The following IMPA2 variants were observed in gnomAD, a reference collection of about 807,000 sequenced individuals.
IMPA2 encodes IMP 2.
IMPA2 carries 32 observed loss-of-function variants against 35.1 expected under a neutral mutation model. The ratio of observed to expected loss-of-function variants is 0.91; its 90% CI spans 0.69 to 1.23. The LOEUF (loss-of-function observed/expected upper bound fraction) is 1.23, where lower values mean the gene tolerates loss of function less well. IMPA2 is among the 50% of genes most tolerant of loss of function. IMPA2 has a pLI of 0.00. For synonymous variants in IMPA2, 135 were observed against 160.6 expected (o/e 0.84, Z 1.20); for missense variants, 334 against 387.6 (o/e 0.86, Z 1.16).
Position 11,991,183 on chromosome 18 carries a change from C to T in IMPA2, c.97-7871C>T, listed in dbSNP as rs1002294209. Among the ~76,000 whole-genome samples the T allele has an allele frequency of 1.3e-5, 2 of 152,240 alleles. No homozygotes were observed. Among genetic ancestry groups the T allele is most frequent in the Middle Eastern group, 3.4e-3 (1 of 294 alleles). ...GAGGGGAGGCAGGGGCCACAGGCCA[C>T]GGGCCCTGGAACACAGGGAATGCAG... On this transcript the variant is annotated intron_variant, in intron 1 of 7. Coordinates refer to ENST00000269159, the MANE Select transcript of IMPA2 (RefSeq NM_014214.3). This position sits in a 1 kb window ranked among gnomAD's most constrained non-coding sequence, Gnocchi z 4.1.
Position 12,030,712 on chromosome 18 carries a change from G to C in IMPA2, c.*254G>C. On this transcript the variant is annotated 3_prime_UTR_variant, in exon 8 of 8. Coordinates refer to ENST00000269159, the MANE Select transcript of IMPA2 (RefSeq NM_014214.3). Reference sequence around the variant, plus strand: ...GGTTAGTACGTGTTCTTCTGTCAGGGCCAAAACTCAAATCTCCTGTGAAAT... The same window carrying C: ...GGTTAGTACGTGTTCTTCTGTCAGGCCCAAAACTCAAATCTCCTGTGAAAT... 1 of 457,954 alleles carries C rather than the reference G, an allele frequency of 2.2e-6. No individual in the cohort carries two copies. Among genetic ancestry groups the C allele is most frequent in the East Asian group, 3.9e-5 (1 of 25,646 alleles). The allele number at this position is 457,954 out of a possible 1,614,324, so 28.4% of individuals were successfully genotyped here.
chr18:11,991,899 A>T lies in IMPA2; in HGVS notation c.97-7155A>T, dbSNP rs1300775407. Among the ~76,000 whole-genome samples the T allele has an allele frequency of 2.0e-5, 3 of 149,986 alleles. No homozygotes were observed. The highest frequency in any genetic ancestry group is 7.4e-5 in the African/African-American group (3 of 40,384). On this transcript the variant is annotated intron_variant, in intron 1 of 7. Transcript: ENST00000269159. The surrounding 1 kb of genome is among the most constrained non-coding windows in gnomAD (Gnocchi z 4.1). ...TGCTCTGTCTCCCAGGATGGAGTGCAGTGGCGTAATCTTGGCTCACCGCAA... is the reference window on the plus strand; with the variant it reads ...TGCTCTGTCTCCCAGGATGGAGTGCTGTGGCGTAATCTTGGCTCACCGCAA...
chr18:12,002,311 T>A (rs1907134983), intron 2 of IMPA2, among the ~76,000 whole-genome samples: 1 of 152,368 alleles, frequency 6.6e-6, no homozygotes, highest in South Asian at 2.1e-4. Flanking sequence ...CTTTCCTTGA[T>A]TTTAGTCTTT....
At chr18:12,000,060 A>C (rs778695889) in intron 2 of IMPA2, among the ~76,000 whole-genome samples, 12 of 152,366 alleles carry the variant, frequency 7.9e-5, no homozygotes, top group Admixed American at 3.3e-4. Context: ...GTAGGGTATT[A>C]TAACTGTCAG....
At chr18:12,029,356 C>T (rs1226433997) in intron 7 of IMPA2, among the ~76,000 whole-genome samples, 2 of 151,554 alleles carry the variant, frequency 1.3e-5, no homozygotes, top group South Asian at 2.1e-4. Flanking sequence ...CCTCGTGATC[C>T]GCCTGCCTCG....
intron 2 of IMPA2, among the ~76,000 whole-genome samples, chr18:12,003,650 T>TAAAAAA (rs77016043): frequency 1.2e-5 from 1 of 80,026 alleles, no homozygotes. Flanking sequence ...GACTCCATCT[T>TAAAAAA]AAAAAAAAAA....
intron 5 of IMPA2, among the ~76,000 whole-genome samples, chr18:12,018,814 T>G (rs1013065531): frequency 3.3e-5 from 5 of 152,148 alleles, no homozygotes; most frequent in Non-Finnish European, 7.4e-5. Context: ...TAAGTTGTTT[T>G]GGTGTCTTTT....
At chr18:11,982,179 G>A (rs1230066580) in intron 1 of IMPA2, among the ~76,000 whole-genome samples, 1 of 152,194 alleles carries the variant, frequency 6.6e-6, no homozygotes, top group African/African-American at 2.4e-5. Flanking sequence ...GATTGTCCTG[G>A]CTGCAGCATC....
intron 5 of IMPA2, among the ~76,000 whole-genome samples, chr18:12,025,410 A>G (rs1338432395): frequency 1.3e-5 from 2 of 152,234 alleles, no homozygotes; most frequent in Non-Finnish European, 2.9e-5. Context: ...GCTGGACGGT[A>G]TGGTAAGAGT....
chr18:11,986,714 C>G (rs557704461), intron 1 of IMPA2, among the ~76,000 whole-genome samples: 1 of 152,344 alleles, frequency 6.6e-6, no homozygotes, highest in African/African-American at 2.4e-5. Context: ...CTCCTCACCC[C>G]TTGTCCTGTG....
At chr18:12,023,814 G>A (rs768957307) in intron 5 of IMPA2, among the ~76,000 whole-genome samples, 5 of 152,170 alleles carry the variant, frequency 3.3e-5, no homozygotes, top group East Asian at 1.9e-4. Flanking sequence ...CTCTTAGAGT[G>A]TACCTCCAGG....
intron 1 of IMPA2, among the ~76,000 whole-genome samples, chr18:11,990,657 A>G (rs114406462): frequency 5.3e-5 from 8 of 152,252 alleles, no homozygotes; most frequent in African/African-American, 1.9e-4. Flanking sequence ...AGACATAGGA[A>G]TAAAGGACTT....
chr18:12,030,318 C>G (rs369871616), intron 7 of IMPA2, 25 bp from the exon 8 acceptor site: 1 of 1,584,316 alleles, frequency 6.3e-7, no homozygotes, highest in Non-Finnish European at 8.7e-7. Flanking sequence ...AACCCGGATG[C>G]CTGGCTCTCT....
intron 1 of IMPA2, chr18:11,994,915 C>G (rs183810115): frequency 2.2e-4 from 34 of 152,748 alleles, no homozygotes; most frequent in African/African-American, 7.9e-4. Flanking sequence ...CTGGAGGCTC[C>G]TCATGTGGAA....
intron 1 of IMPA2, among the ~76,000 whole-genome samples, chr18:11,996,399 A>G (rs1390538545): frequency 6.6e-6 from 1 of 152,200 alleles, no homozygotes; most frequent in Non-Finnish European, 1.5e-5. Context: ...TTCCCCATCC[A>G]GCTGCTGCGT....
In IMPA2 at chr18:11,991,378, T is replaced by C. The variant is rs1415524579; in HGVS notation, c.97-7676T>C. Among the ~76,000 whole-genome samples the C allele has an allele frequency of 6.6e-6, 1 of 152,068 alleles. No individual in the cohort carries two copies. Among genetic ancestry groups the C allele is most frequent in the East Asian group, 1.9e-4 (1 of 5,174 alleles). On this transcript the variant is annotated intron_variant, in intron 1 of 7. Transcript: ENST00000269159. The surrounding 1 kb of genome is among the most constrained non-coding windows in gnomAD (Gnocchi z 4.1). The stretch of plus-strand genomic sequence containing the variant: ...GGGCTGGCCTGGGAGCCACGTCTGC[T>C]TGGACCAGCTCCTCCTCTTCCTCCC...
intron 5 of IMPA2, among the ~76,000 whole-genome samples, chr18:12,024,571 T>C (rs1353288861): frequency 1.3e-5 from 2 of 152,202 alleles, no homozygotes; most frequent in Non-Finnish European, 2.9e-5. Flanking sequence ...AGACAAGATG[T>C]CACTGCCACT....
chr18:12,014,022 G>A (rs901192979), intron 4 of IMPA2, among the ~76,000 whole-genome samples: 8 of 152,056 alleles, frequency 5.3e-5, no homozygotes, highest in Non-Finnish European at 5.9e-5. Flanking sequence ...TTAAAGTTTT[G>A]TTTGTCTGAA....
In IMPA2 at chr18:12,030,540, C is replaced by T; in HGVS notation, c.*82C>T. On this transcript the variant is annotated 3_prime_UTR_variant, in exon 8 of 8. Transcript: ENST00000269159. ...GGAGGTGGCCCTCGTGGCCCACGCT[C>T]CATGCCAGTGGCTCACGCTCTGCTC... 1 of 1,060,476 alleles carries T rather than the reference C, an allele frequency of 9.4e-7. No individual in the cohort carries two copies. The highest frequency in any genetic ancestry group is 1.3e-5 in the South Asian group (1 of 76,262). The allele number at this position is 1,060,476 out of a possible 1,614,324, so 65.7% of individuals were successfully genotyped here.
Sources: allele counts gnomAD v4.1 joint callset (sites outside exome capture counted in the v4.1 genomes callset), GRCh38; gene constraint gnomAD v4.1.1; non-coding constraint Gnocchi (gnomAD v3.1); transcripts MANE v1.5; gene names NCBI Gene and HGNC (gene_info 2026-07-23, HGNC 2026-07-21).